ADGRG5: variants seen among roughly 807,000 people sequenced by gnomAD.
ADGRG5 encodes the protein G protein-coupled receptor 114.
In ADGRG5, 37 loss-of-function variants were observed where a neutral mutation model predicts 53.2. That is an observed-to-expected ratio of 0.70 (90% CI 0.53 to 0.91). The LOEUF is 0.91. Among genes scored for constraint, ADGRG5 ranks in the 40% least tolerant of loss-of-function variants. The pLI, the probability that ADGRG5 is intolerant of heterozygous loss-of-function variation, is 0.00. For synonymous variants in ADGRG5, 277 were observed against 290.4 expected (o/e 0.95, Z 0.47); for missense variants, 614 against 675.8 (o/e 0.91, Z 1.01).
Position 57,565,179 on chromosome 16 carries a change from T to C in ADGRG5, c.546+29T>C, listed in dbSNP as rs556991333. The C allele has an allele frequency of 3.0e-6, 4 of 1,321,264 alleles. No individual in the cohort carries two copies. The East Asian group carries it at 6.9e-5, about 23-fold the overall frequency. 81.8% of individuals were successfully genotyped at this position (1,321,264 alleles called of 1,614,324 possible). A position where few individuals can be genotyped will look rare whatever the true frequency, so the allele number is the denominator to read the frequency against. On this transcript the variant is annotated intron_variant, in intron 6 of 11. Coordinates refer to ENST00000349457, the MANE Select transcript of ADGRG5 (RefSeq NM_001304376.3). ...CTGCTGGGGGCGCCCCCGTTTCCAC[T>C]GCACCCCTGCCCCTCTGTGACTCTC...
chr16:57,565,020 T>A lies in ADGRG5; in HGVS notation c.430-14T>A. ...TTTCCCCTCCACTCAGCCCTTCTCC[T>A]GCTGCCCTTCCAGGATGAAAACAAC... is the stretch of plus-strand genomic sequence containing the variant. On this transcript the variant is annotated splice_polypyrimidine_tract_variant and intron_variant, in intron 5 of 11. Coordinates refer to ENST00000349457, the MANE Select transcript of ADGRG5 (RefSeq NM_001304376.3). The A allele has an allele frequency of 1.1e-5, 17 of 1,563,894 alleles. No individual in the cohort carries two copies. Among genetic ancestry groups the A allele is most frequent in the Non-Finnish European group, 1.5e-5 (17 of 1,135,000 alleles).
rs182660002 is a variant in ADGRG5, at chr16:57,555,180, T to C, written c.-38-6876T>C. Among the ~76,000 whole-genome samples the C allele has an allele frequency of 3.0e-3, 456 of 152,286 alleles. 4 individuals are homozygous for C. Among genetic ancestry groups the C allele is most frequent in the Middle Eastern group, 0.024 (7 of 294 alleles). On this transcript the variant is annotated intron_variant, in intron 1 of 11. Coordinates refer to ENST00000349457, the MANE Select transcript of ADGRG5 (RefSeq NM_001304376.3). Reference sequence around the variant, plus strand: ...GAGTGTTCTATAAATATAAAGAAGATAGTTAATAGTGTTGTTCATGTCTTC... The same window carrying C: ...GAGTGTTCTATAAATATAAAGAAGACAGTTAATAGTGTTGTTCATGTCTTC...
chr16:57,561,120 G>C (rs1403428539), intron 1 of ADGRG5, among the ~76,000 whole-genome samples: 1 of 152,188 alleles, frequency 6.6e-6, no homozygotes, highest in East Asian at 1.9e-4. Flanking sequence ...CCCCTCTTCA[G>C]AGGTTACTGA....
At chr16:57,535,183 C>T in the ADGRG5 span, among the ~76,000 whole-genome samples, 2 of 152,160 alleles carry the variant, frequency 1.3e-5, no homozygotes, top group African/African-American at 2.4e-5. Flanking sequence ...CCACAGACTG[C>T]GGGCACCTGT....
At chr16:57,556,210 C>T (rs995896478) in intron 1 of ADGRG5, among the ~76,000 whole-genome samples, 8 of 152,012 alleles carry the variant, frequency 5.3e-5, no homozygotes, top group African/African-American at 9.7e-5. Flanking sequence ...ATATTTGGTA[C>T]GTGTTTCTTG....
At chr16:57,546,185 ACCATCATAGCTCACTG>A (rs1265697914) in intron 1 of ADGRG5, among the ~76,000 whole-genome samples, 1 of 152,146 alleles carries the variant, frequency 6.6e-6, no homozygotes, top group Non-Finnish European at 1.5e-5. Flanking sequence ...GTGCAGTGCC[ACCATCATAGCTCACTG>A]CAGCCTCAAA....
chr16:57,556,611 G>T (rs1453249070), intron 1 of ADGRG5, among the ~76,000 whole-genome samples: 1 of 152,090 alleles, frequency 6.6e-6, no homozygotes, highest in Non-Finnish European at 1.5e-5. Context: ...CCTCTCTCCT[G>T]CCTGTCGTGC....
chr16:57,555,958 T>TTC (rs373224333), intron 1 of ADGRG5, among the ~76,000 whole-genome samples: 15 of 151,344 alleles, frequency 9.9e-5, no homozygotes, highest in African/African-American at 2.2e-4. Context: ...CACTTCCCCC[T>TTC]TCTCTCTCTC....
intron 10 of ADGRG5, among the ~76,000 whole-genome samples, chr16:57,573,313 A>G (rs1470614272): frequency 6.6e-6 from 1 of 151,640 alleles, no homozygotes; most frequent in Non-Finnish European, 1.5e-5. Flanking sequence ...AGGATTCTGT[A>G]GTTCCAGCTA....
chr16:57,560,245 G>A (rs529419939), intron 1 of ADGRG5, among the ~76,000 whole-genome samples: 1 of 152,236 alleles, frequency 6.6e-6, no homozygotes, highest in Admixed American at 6.5e-5. Context: ...TAGGATACAG[G>A]GTTTCCTGTA....
In ADGRG5 at chr16:57,563,120, T is replaced by G; in HGVS notation, c.170T>G (p.Leu57Arg). 6.2e-7 allele frequency: 1 copy of G among 1,614,180 alleles called. No homozygotes were observed. Among genetic ancestry groups the G allele is most frequent in the Non-Finnish European group, 8.5e-7 (1 of 1,180,008 alleles). The stretch of plus-strand genomic sequence containing the variant: ...CTCCACCAGCTGGAGCAGATGCTAC[T>G]GAACACCAGCTTCCCAGGCTACAAC... Reference protein sequence around the residue: ...RQLHQLEQMLLNTSFPGYNLT... With the variant: ...RQLHQLEQMLRNTSFPGYNLT... The change falls in exon 4 of 12, where the codon CTG becomes CGG. Residue 57 changes from leucine to arginine, a missense_variant. Physicochemically the swap from Leu to Arg is moderately radical, Grantham distance 102. Coordinates refer to ENST00000349457, the MANE Select transcript of ADGRG5 (RefSeq NM_001304376.3).
chr16:57,570,925 C>A (rs2033335895), intron 10 of ADGRG5, among the ~76,000 whole-genome samples: 1 of 152,172 alleles, frequency 6.6e-6, no homozygotes, highest in South Asian at 2.1e-4. Context: ...CTCCTCCCGA[C>A]CTGCCCTGGG....
chr16:57,573,842 C>T (rs2033431516), intron 10 of ADGRG5, among the ~76,000 whole-genome samples: 1 of 152,126 alleles, frequency 6.6e-6, no homozygotes, highest in Non-Finnish European at 1.5e-5. Flanking sequence ...CTGCCTCAGC[C>T]TCCCGAGCAG....
chr16:57,570,191 C>T (rs1441200225), intron 9 of ADGRG5, among the ~76,000 whole-genome samples: 3 of 152,212 alleles, frequency 2.0e-5, no homozygotes, highest in African/African-American at 7.2e-5. Flanking sequence ...AGTGTGACCA[C>T]TCCTCCCTCC....
rs139279864 is a variant in ADGRG5, at chr16:57,568,036, C to T, written c.1002C>T (p.Ile334=). The T allele has an allele frequency of 1.7e-5, 28 of 1,613,900 alleles. 1 individual carries two copies. In the Middle Eastern group the frequency reaches 6.6e-4, roughly 38 times the overall value. ...TCAGCTGCCTCACCTGGATGGCCATCGAGGGCTTCAACCTCTACCTCCTCC... is the reference window on the plus strand; with the variant it reads ...TCAGCTGCCTCACCTGGATGGCCATTGAGGGCTTCAACCTCTACCTCCTCC... ...ALLSCLTWMA[I]EGFNLYLLLG... The change falls in exon 9 of 12, where the codon ATC becomes ATT. Residue 334 remains isoleucine (I), a synonymous_variant. Transcript: ENST00000349457.
At chr16:57,559,291 A>G (rs2032950285) in intron 1 of ADGRG5, among the ~76,000 whole-genome samples, 1 of 152,224 alleles carries the variant, frequency 6.6e-6, no homozygotes, top group Admixed American at 6.5e-5. Flanking sequence ...GCCAGGGTGC[A>G]GGTGTTTATC....
chr16:57,576,764 T>A lies in ADGRG5; in HGVS notation c.*1226T>A, dbSNP rs746849430. The A allele has an allele frequency of 6.6e-6, 1 of 152,186 alleles. No individual in the cohort carries two copies. Among genetic ancestry groups the A allele is most frequent in the South Asian group, 2.1e-4 (1 of 4,830 alleles). 9.4% of individuals were successfully genotyped at this position (152,186 alleles called of 1,614,324 possible). ...CTTTTCCCAATGCGGCGGTGCACTT[T>A]CGCTCTTGGGGGCTGCACCCCAGAC... On this transcript the variant is annotated 3_prime_UTR_variant, in exon 12 of 12. Coordinates refer to ENST00000349457, the MANE Select transcript of ADGRG5 (RefSeq NM_001304376.3).
At chr16:57,572,336 G>A (rs1184853413) in intron 10 of ADGRG5, among the ~76,000 whole-genome samples, 2 of 152,100 alleles carry the variant, frequency 1.3e-5, no homozygotes, top group East Asian at 3.9e-4. Flanking sequence ...TTAGCTGGGC[G>A]TGGTGGCAGG....
Position 57,562,450 on chromosome 16 carries a change from T to C in ADGRG5, c.131T>C (p.Phe44Ser). The stretch of plus-strand genomic sequence containing the variant: ...GTGTCCAGGGGCCGGAGCTCAGTTT[T>C]TTCCTCTCGGTGAGTTGGATGTGCC... ...MQVSRGRSSV[F>S]SSRQLHQLEQ... The change falls in exon 3 of 12, where the codon TTT becomes TCT. Residue 44 changes from phenylalanine (F) to serine (S), a missense_variant. Phe to Ser is a radical substitution (Grantham distance 155, BLOSUM62 -2). Transcript: ENST00000349457. The C allele has an allele frequency of 6.2e-7, 1 of 1,600,414 alleles. No homozygotes were observed. Among genetic ancestry groups the C allele is most frequent in the Non-Finnish European group, 8.5e-7 (1 of 1,173,766 alleles).
Sources: gnomAD v4.1 joint callset for allele counts (sites outside exome capture counted in the v4.1 genomes callset) on GRCh38, gnomAD v4.1.1 for gene constraint, MANE v1.5 for transcripts, NCBI Gene and HGNC (gene_info 2026-07-23, HGNC 2026-07-21) for gene names.